CEP20: variants seen among roughly 807,000 people sequenced by gnomAD.
CEP20 encodes the protein centrosomal protein 20.
Under a neutral mutation model 20.0 loss-of-function variants are expected in CEP20, and 18 were observed. That is an observed-to-expected ratio of 0.90 (90% CI 0.62 to 1.34). CEP20 has a LOEUF of 1.34. Among genes scored for constraint, CEP20 ranks in the 40% most tolerant of loss-of-function variants. The pLI is 0.00. For missense variants in CEP20, 215 were observed against 201.6 expected (o/e 1.07, Z -0.40); for synonymous variants, 77 against 73.7 (o/e 1.04, Z -0.23).
chr16:15,872,386 G>T (rs1371806207), intron 4 of CEP20, among the ~76,000 whole-genome samples: 1 of 152,006 alleles, frequency 6.6e-6, no homozygotes, highest in African/African-American at 2.4e-5. Flanking sequence ...CAATTCAAAT[G>T]GTGAAAATGG....
chr16:15,886,415 T>C (rs753421264), intron 1 of CEP20, among the ~76,000 whole-genome samples: 4 of 152,216 alleles, frequency 2.6e-5, no homozygotes, highest in Admixed American at 6.5e-5. Flanking sequence ...TACAGCCTTA[T>C]TGTACTCTTA....
At chr16:15,868,838 C>G (rs72773954) in intron 4 of CEP20, among the ~76,000 whole-genome samples, 10,127 of 152,182 alleles carry the variant, frequency 0.067, 452 homozygotes, top group East Asian at 0.22. Flanking sequence ...ATGAAGTCTA[C>G]TATGCTTGAT....
chr16:15,874,136 T>C (rs1253277298), intron 3 of CEP20, among the ~76,000 whole-genome samples: 1 of 152,222 alleles, frequency 6.6e-6, no homozygotes, highest in Admixed American at 6.5e-5. Flanking sequence ...TGTTTCTTCC[T>C]TTATAAATTA....
At position 15,867,472 on chromosome 16, in the gene CEP20, C is replaced by A. The variant is rs2044707876; in HGVS notation, c.493G>T (p.Asp165Tyr). 1 of 1,603,250 alleles carries A rather than the reference C, an allele frequency of 6.2e-7. No homozygotes were observed. Residue 165 changes from aspartate to tyrosine, a missense_variant, in exon 5 of 5, where the codon GAT becomes TAT. By Grantham distance (160) the Asp-to-Tyr change is radical. Transcript: ENST00000255759. ...TTGACTGCCTGAGAAACATGAAGAT[C>A]TTCAATGTTAGTACTTTTCTGTTCC... ...KEEQKSTNIEDLHVSQAVNR is the reference protein window; with the variant it reads ...KEEQKSTNIEYLHVSQAVNR
At chr16:15,868,157 T>TC (rs1448881042) in intron 4 of CEP20, among the ~76,000 whole-genome samples, 1 of 152,020 alleles carries the variant, frequency 6.6e-6, no homozygotes, top group Non-Finnish European at 1.5e-5. Context: ...GACAAGGTGT[T>TC]CAATCAGCAT....
chr16:15,871,017 C>G (rs989155109), intron 4 of CEP20, among the ~76,000 whole-genome samples: 1 of 152,254 alleles, frequency 6.6e-6, no homozygotes, highest in South Asian at 2.1e-4. Context: ...AATCCCAGCA[C>G]TTTGGGAGGC....
rs770249490 is a variant in CEP20, at chr16:15,884,039, T to G, written c.195A>C (p.Lys65Asn). 1 of 1,613,350 alleles carries G rather than the reference T, an allele frequency of 6.2e-7. No individual in the cohort carries two copies. The highest frequency in any genetic ancestry group is 8.5e-7 in the Non-Finnish European group (1 of 1,179,386). ...ELIREYLEFN[K>N]YKYTASVLIA... ...TGAGGACAGATGCTGTATACTTATA[T>G]TTGTTGAATTCTAAATACTCTCGAA... Residue 65 changes from lysine to asparagine, a missense_variant, in exon 2 of 5, where the codon AAA (lysine) becomes AAC (asparagine). Physicochemically the swap from Lys to Asn is moderately conservative, Grantham distance 94. Transcript: ENST00000255759.
chr16:15,868,323 TG>T (rs1275110470), intron 4 of CEP20, among the ~76,000 whole-genome samples: 2 of 152,006 alleles, frequency 1.3e-5, no homozygotes, highest in East Asian at 3.9e-4. Flanking sequence ...CTTGGGAGGC[TG>T]AGGGCAGGAG....
chr16:15,886,999 A>G (rs147419176), intron 1 of CEP20, among the ~76,000 whole-genome samples: 13 of 151,904 alleles, frequency 8.6e-5, no homozygotes, highest in African/African-American at 2.9e-4. Context: ...CCTGGGCTCA[A>G]GCTATCTTCC....
At chr16:15,872,614 T>G (rs2044848299) in intron 4 of CEP20, among the ~76,000 whole-genome samples, 1 of 151,720 alleles carries the variant, frequency 6.6e-6, no homozygotes, top group African/African-American at 2.4e-5. Context: ...GGCAAGAAGG[T>G]GAGAGGATTG....
chr16:15,885,905 T>C (rs1370573991), intron 1 of CEP20: 1 of 152,224 alleles, frequency 6.6e-6, no homozygotes. Context: ...ATACTTAGTA[T>C]AGATAATGGG....
chr16:15,873,049 T>C (rs1263230121), intron 4 of CEP20, among the ~76,000 whole-genome samples: 9 of 151,904 alleles, frequency 5.9e-5, no homozygotes, highest in Non-Finnish European at 1.5e-5. Flanking sequence ...ACTTACAATT[T>C]ACATGAAAAT....
In CEP20 at chr16:15,873,593, G is replaced by A. The variant is rs762864989; in HGVS notation, c.346C>T (p.Arg116Cys). The A allele has an allele frequency of 1.9e-5, 31 of 1,613,674 alleles. No homozygotes were observed. The highest frequency in any genetic ancestry group is 5.5e-5 in the South Asian group (5 of 91,068). ...LLYGILAHFLRGTKDGIQNAF... is the reference protein window; with the variant it reads ...LLYGILAHFLCGTKDGIQNAF... ...TTCTGGATGCCATCCTTAGTTCCAC[G>A]CAAGAAATGGGCTAAAATCCCATAT... Residue 116 changes from arginine to cysteine, a missense_variant, in exon 4 of 5, where the codon CGT becomes TGT. Arg to Cys is a radical substitution (Grantham distance 180, BLOSUM62 -3). Coordinates refer to ENST00000255759, the MANE Select transcript of CEP20 (RefSeq NM_144600.4).
At chr16:15,867,562 C>A in intron 4 of CEP20, 46 bp from the exon 5 acceptor site, 3 of 1,308,602 alleles carry the variant, frequency 2.3e-6, no homozygotes, top group Non-Finnish European at 3.2e-6. Flanking sequence ...CAAGTCAAAA[C>A]ACACAGATAG....
intron 4 of CEP20, among the ~76,000 whole-genome samples, chr16:15,870,433 T>A (rs1315916705): frequency 6.6e-6 from 1 of 152,174 alleles, no homozygotes; most frequent in Non-Finnish European, 1.5e-5. Flanking sequence ...TCTACTACAT[T>A]TTTAAATATG....
chr16:15,880,664 C>T (rs1380452760), intron 2 of CEP20, among the ~76,000 whole-genome samples: 1 of 152,130 alleles, frequency 6.6e-6, no homozygotes, highest in Non-Finnish European at 1.5e-5. Flanking sequence ...GGTCCCCAAC[C>T]CCCGAGCCAC....
At chr16:15,883,580 C>T (rs1388327169) in intron 2 of CEP20, among the ~76,000 whole-genome samples, 1 of 152,112 alleles carries the variant, frequency 6.6e-6, no homozygotes, top group African/African-American at 2.4e-5. Flanking sequence ...GTTGCCCAGG[C>T]TGGTCGCGAA....
chr16:15,887,430 T>C (rs1380768391), intron 1 of CEP20, among the ~76,000 whole-genome samples: 5 of 152,238 alleles, frequency 3.3e-5, no homozygotes, highest in African/African-American at 1.2e-4. Context: ...AAAGTGGAAC[T>C]GGTTTTATTT....
In CEP20 at chr16:15,884,121, T is replaced by C. The variant is rs754579061; in HGVS notation, c.113A>G (p.Asp38Gly). The change falls in exon 2 of 5, where the codon GAT (aspartate) becomes GGT (glycine). Residue 38 changes from aspartate (D) to glycine (G), a missense_variant. Transcript: ENST00000255759. ...IRAEVFNALD[D>G]DREPRPSLSH... ...CAATGATGGTCGGGGTTCACGGTCA[T>C]CATCTAGGGCATTGAAAACTTCAGC... is the stretch of plus-strand genomic sequence containing the variant. 3.1e-6 allele frequency: 5 copies of C among 1,614,064 alleles called. No homozygotes were observed. In the African/African-American group the frequency reaches 5.3e-5, roughly 17 times the overall value.
Sources: gnomAD v4.1 joint callset for allele counts (sites outside exome capture counted in the v4.1 genomes callset) on GRCh38, gnomAD v4.1.1 for gene constraint, MANE v1.5 for transcripts, NCBI Gene and HGNC (gene_info 2026-07-23, HGNC 2026-07-21) for gene names.